The following TRIM39 variants were observed in gnomAD, a reference collection of about 807,000 sequenced individuals.
The protein encoded by TRIM39 is tripartite motif containing 39.
Under a neutral mutation model 53.6 loss-of-function variants are expected in TRIM39, and 5 were observed. The ratio of observed to expected loss-of-function variants is 0.09; its 90% confidence interval spans 0.05 to 0.20. The LOEUF (loss-of-function observed/expected upper bound fraction) is 0.20, where lower values mean the gene tolerates loss of function less well. Among genes scored for constraint, TRIM39 ranks in the 10% least tolerant of loss-of-function variants. The probability of loss-of-function intolerance (pLI) is 1.00; values close to 1 mark genes in which losing one functional copy is unlikely to be tolerated. For synonymous variants in TRIM39, 196 were observed against 237.6 expected (o/e 0.82, Z 1.61); for missense variants, 310 against 621.0 (o/e 0.50, Z 5.32).
rs764875170 is a variant in TRIM39 at position 30,335,803 on chromosome 6, G to T, written c.608G>T (p.Arg203Leu). 1 of 1,612,834 alleles carries T rather than the reference G, an allele frequency of 6.2e-7. No individual in the cohort carries two copies. Among genetic ancestry groups the T allele is most frequent in the African/African-American group, 1.3e-5 (1 of 74,862 alleles). The change falls in exon 5 of 8, where the codon CGG (arginine) becomes CTG (leucine). Residue 203 changes from arginine (R) to leucine (L), a missense_variant. Arg to Leu is a moderately radical substitution (Grantham distance 102, BLOSUM62 -2). Transcript: ENST00000396551. The surrounding 1 kb of genome is among the most constrained non-coding windows in gnomAD (Gnocchi z 4.7). ...AGGGAGTTTGAAGAGCTTCATAGGC[G>T]GCTGGATGAAGAGCAGCAGGTGTTG...
chr6:30,337,626 C>T (rs1787027847), intron 5 of TRIM39, among the ~76,000 whole-genome samples: 1 of 152,142 alleles, frequency 6.6e-6, no homozygotes, highest in African/African-American at 2.4e-5. Flanking sequence ...TTTGTTATTC[C>T]ATTTCTAGAG....
Position 30,339,142 on chromosome 6 carries a change from G to A in TRIM39, c.781-766G>A, listed in dbSNP as rs1263239439. Among the ~76,000 whole-genome samples, 1 of 151,276 alleles carries A rather than the reference G, an allele frequency of 6.6e-6. No homozygotes were observed. The highest frequency in any genetic ancestry group is 1.5e-5 in the Non-Finnish European group (1 of 67,838). ...TCAGTATTAGCACACAGTTATTAAT[G>A]TGTTTATTCTTCCTTTTTTTTTTTT... On this transcript the variant is annotated intron_variant, in intron 5 of 7. Coordinates refer to ENST00000396551, the Ensembl canonical transcript of TRIM39. The surrounding 1 kb of genome is among the most constrained non-coding windows in gnomAD (Gnocchi z 4.2).
chr6:30,329,690 G>A, exon 3 of TRIM39: 2 of 1,613,128 alleles, frequency 1.2e-6, no homozygotes, highest in Non-Finnish European at 1.7e-6. Context: ...CCAGGAGGCT[G>A]TATGCTTGAT....
rs1452905709 is a variant in TRIM39, at chr6:30,339,396, G to A, written c.781-512G>A. Among the ~76,000 whole-genome samples the A allele has an allele frequency of 2.0e-5, 3 of 152,112 alleles. No individual in the cohort carries two copies. The highest frequency in any genetic ancestry group is 1.9e-4 in the East Asian group (1 of 5,196). Reference sequence around the variant, plus strand: ...ACTCCTGACCTCAAGTGATCCACCCGTCTTGGCCTCCCAAAGCGCTCAGAT... The same window carrying A: ...ACTCCTGACCTCAAGTGATCCACCCATCTTGGCCTCCCAAAGCGCTCAGAT... On this transcript the variant is annotated intron_variant, in intron 5 of 7. Coordinates refer to ENST00000396551, the Ensembl canonical transcript of TRIM39. This position sits in a 1 kb window ranked among gnomAD's most constrained non-coding sequence, Gnocchi z 4.2.
chr6:30,338,998 T>C lies in TRIM39; in HGVS notation c.781-910T>C, dbSNP rs919116077. On this transcript the variant is annotated intron_variant, in intron 5 of 7. Coordinates refer to ENST00000396551, the Ensembl canonical transcript of TRIM39. The surrounding 1 kb of genome is among the most constrained non-coding windows in gnomAD (Gnocchi z 4.0). ...CATTTATTTTTATGTTACGTATTGCTTGGTATTTGTTCCTATGGCCTTTCA... is the reference window on the plus strand; with the variant it reads ...CATTTATTTTTATGTTACGTATTGCCTGGTATTTGTTCCTATGGCCTTTCA... Among the ~76,000 whole-genome samples, 11 of 152,184 alleles carry C rather than the reference T, an allele frequency of 7.2e-5. No homozygotes were observed. The highest frequency in any genetic ancestry group is 2.7e-4 in the African/African-American group (11 of 41,422).
chr6:30,333,296 T>A (rs929723835), intron 4 of TRIM39, among the ~76,000 whole-genome samples: 1 of 152,120 alleles, frequency 6.6e-6, no homozygotes, highest in Non-Finnish European at 1.5e-5. Flanking sequence ...AGAATTACTC[T>A]GTGTTTATAC....
intron 7 of TRIM39, 61 bp downstream of exon 7, chr6:30,340,681 C>G: frequency 6.5e-7 from 1 of 1,539,132 alleles, no homozygotes. Context: ...TTTTTAGGTC[C>G]TACCTTATAT....
At position 30,341,219 on chromosome 6, in the gene TRIM39, A is replaced by G. The variant is rs528052467; in HGVS notation, c.920-493A>G. 2.0e-4 allele frequency among the ~76,000 whole-genome samples: 31 copies of G among 152,082 alleles called. No homozygotes were observed. The Middle Eastern group carries it at 0.01, about 50-fold the overall frequency. Reference sequence around the variant, plus strand: ...TGAGATTCCATCTCAAAAAAAAAAAAAAAGAAAGAAACTGAAAGGGAGTGT... The same window carrying G: ...TGAGATTCCATCTCAAAAAAAAAAAGAAAGAAAGAAACTGAAAGGGAGTGT... On this transcript the variant is annotated intron_variant, in intron 7 of 7. Transcript: ENST00000396551.
chr6:30,328,627 A>G (rs1422379117), intron 1 of TRIM39, among the ~76,000 whole-genome samples: 1 of 152,088 alleles, frequency 6.6e-6, no homozygotes, highest in Non-Finnish European at 1.5e-5. Flanking sequence ...ATAGAACAAA[A>G]GTTATGCATG....
intron 4 of TRIM39, among the ~76,000 whole-genome samples, chr6:30,332,716 G>A (rs1405788187): frequency 6.6e-6 from 1 of 152,104 alleles, no homozygotes; most frequent in Non-Finnish European, 1.5e-5. Context: ...GGTAAAGGAT[G>A]GAGAGAGAAA....
intron 1 of TRIM39, chr6:30,327,682 T>C (rs1785542649): frequency 6.6e-6 from 1 of 152,238 alleles, no homozygotes; most frequent in South Asian, 2.1e-4. Flanking sequence ...GTGCATACAG[T>C]TCTACTCGTC....
chr6:30,333,823 C>T (rs12663184), intron 4 of TRIM39, among the ~76,000 whole-genome samples: 14,774 of 152,122 alleles, frequency 0.097, 835 homozygotes, highest in Middle Eastern at 0.19. Context: ...AAAATATCCT[C>T]AGAGTGTGTT....
At chr6:30,327,872 T>G (rs571853727) in intron 1 of TRIM39, among the ~76,000 whole-genome samples, 1 of 152,366 alleles carries the variant, frequency 6.6e-6, no homozygotes, top group Admixed American at 6.5e-5. Flanking sequence ...CATTTGTGTG[T>G]GCCAACAATA....
At chr6:30,328,736 G>T (rs1399478584) in intron 1 of TRIM39, among the ~76,000 whole-genome samples, 153 bp from the exon 2 acceptor site, 1 of 152,142 alleles carries the variant, frequency 6.6e-6, no homozygotes, top group Non-Finnish European at 1.5e-5. Flanking sequence ...AAGCCAAAAG[G>T]TTGGATATTG....
At chr6:30,340,395 A>G in intron 6 of TRIM39, 110 bp from the exon 7 acceptor site, 3 of 1,610,200 alleles carry the variant, frequency 1.9e-6, no homozygotes, top group Non-Finnish European at 2.5e-6. Context: ...GAAAGTGGGA[A>G]GATGGAGAAT....
chr6:30,336,158 AT>A (rs1324239878), intron 5 of TRIM39, 183 bp downstream of exon 5: 2 of 878,654 alleles, frequency 2.3e-6, no homozygotes. Flanking sequence ...CCTTCTAACC[AT>A]TTTTGTGTTC....
At chr6:30,334,324 CTA>C (rs1456207011) in intron 4 of TRIM39, among the ~76,000 whole-genome samples, 2 of 151,872 alleles carry the variant, frequency 1.3e-5, no homozygotes, top group Non-Finnish European at 2.9e-5. Flanking sequence ...AGGGAGATCA[CTA>C]TTTGTTGTAG....
chr6:30,329,066 G>T (rs1785787576), intron 2 of TRIM39, 25 bp downstream of exon 2: 2 of 524,090 alleles, frequency 3.8e-6, no homozygotes, highest in Admixed American at 3.8e-5. Flanking sequence ...AGATCAATTG[G>T]GGGTTGTGTG....
intron 5 of TRIM39, chr6:30,336,191 G>A (rs1786839322): frequency 2.7e-6 from 2 of 747,496 alleles, no homozygotes; most frequent in Non-Finnish European, 4.7e-6. Context: ...CAGCAATTAT[G>A]TGCTTAATCT....
Sources: allele counts gnomAD v4.1 joint callset (sites outside exome capture counted in the v4.1 genomes callset), GRCh38; gene constraint gnomAD v4.1.1; non-coding constraint Gnocchi (gnomAD v3.1); transcripts MANE v1.5; gene names NCBI Gene and HGNC (gene_info 2026-07-23, HGNC 2026-07-21).